Variants in OSBPL8 observed in about 807,000 individuals in gnomAD.
OSBPL8 encodes oxysterol-binding protein-related protein 8.
Under a neutral mutation model 125.5 loss-of-function variants are expected in OSBPL8, and 59 were observed. The observed-to-expected ratio is 0.47, with a 90% CI of 0.38 to 0.58. The LOEUF is 0.58. OSBPL8 is among the 20% of genes least tolerant of loss of function. OSBPL8 has a pLI of 0.00. For missense variants in OSBPL8, 758 were observed against 1,047.8 expected (o/e 0.72, Z 3.82); for synonymous variants, 330 against 338.9 (o/e 0.97, Z 0.29).
At chr12:76,477,447 A>G (rs1565929071) in intron 2 of OSBPL8, among the ~76,000 whole-genome samples, 1 of 152,188 alleles carries the variant, frequency 6.6e-6, no homozygotes, top group Non-Finnish European at 1.5e-5. Context: ...AAATCCATTA[A>G]ACTTAGTCTA....
At chr12:76,524,300 A>C (rs959514403) in intron 1 of OSBPL8, among the ~76,000 whole-genome samples, 4 of 152,232 alleles carry the variant, frequency 2.6e-5, no homozygotes, top group African/African-American at 9.6e-5. Context: ...GTACAAATTT[A>C]AATCTTAGAA....
intron 20 of OSBPL8, 128 bp from the exon 21 acceptor site, chr12:76,369,429 C>T (rs1952538606): frequency 5.0e-6 from 7 of 1,408,306 alleles, no homozygotes; most frequent in African/African-American, 2.9e-5. Flanking sequence ...TTTCCCCATA[C>T]CTAATCTTCA....
At chr12:76,417,998 G>A (rs1198171685) in intron 4 of OSBPL8, among the ~76,000 whole-genome samples, 1 of 139,214 alleles carries the variant, frequency 7.2e-6, no homozygotes, top group Non-Finnish European at 1.6e-5. Flanking sequence ...AAAATTATAT[G>A]ATTTTCACTA....
chr12:76,364,435 G>A (rs999950352), intron 21 of OSBPL8, among the ~76,000 whole-genome samples: 6 of 152,148 alleles, frequency 3.9e-5, no homozygotes, highest in African/African-American at 9.7e-5. Flanking sequence ...TTACTCATAA[G>A]TGGGAGCTGA....
At chr12:76,461,930 A>G (rs1432987655) in intron 2 of OSBPL8, among the ~76,000 whole-genome samples, 1 of 152,250 alleles carries the variant, frequency 6.6e-6, no homozygotes, top group African/African-American at 2.4e-5. Flanking sequence ...AATAAATAAC[A>G]TAACACTGGA....
intron 4 of OSBPL8, among the ~76,000 whole-genome samples, chr12:76,436,902 C>T (rs916036066): frequency 5.9e-5 from 9 of 152,136 alleles, no homozygotes; most frequent in Admixed American, 1.3e-4. Flanking sequence ...ATCCCTATTG[C>T]CTATAATGCA....
At chr12:76,480,071 G>GC (rs1877292231) in intron 2 of OSBPL8, among the ~76,000 whole-genome samples, 2 of 149,868 alleles carry the variant, frequency 1.3e-5, no homozygotes, top group Non-Finnish European at 2.9e-5. Flanking sequence ...GGAGGCTGAG[G>GC]CAGGAGAATC....
intron 4 of OSBPL8, among the ~76,000 whole-genome samples, chr12:76,431,620 GA>G (rs1414564848): frequency 1.4e-4 from 22 of 152,216 alleles, no homozygotes; most frequent in Non-Finnish European, 2.8e-4. Flanking sequence ...CATGTATCAG[GA>G]AAAATGGACT....
chr12:76,456,854 AT>A (rs1337150258), intron 3 of OSBPL8, among the ~76,000 whole-genome samples: 1 of 152,202 alleles, frequency 6.6e-6, no homozygotes, highest in Non-Finnish European at 1.5e-5. Flanking sequence ...AGTTTATGCC[AT>A]CTGTTTACAA....
At chr12:76,448,208 G>C (rs1483087904) in intron 4 of OSBPL8, among the ~76,000 whole-genome samples, 1 of 151,968 alleles carries the variant, frequency 6.6e-6, no homozygotes, top group Non-Finnish European at 1.5e-5. Flanking sequence ...CAAAACAAAA[G>C]GTTAATAACT....
At chr12:76,419,708 TC>T (rs1463004306) in intron 4 of OSBPL8, among the ~76,000 whole-genome samples, 1 of 152,194 alleles carries the variant, frequency 6.6e-6, no homozygotes, top group Non-Finnish European at 1.5e-5. Flanking sequence ...AAAAAGAATT[TC>T]CTAAAGCTCA....
At chr12:76,397,495 A>G (rs1953861880) in intron 8 of OSBPL8, among the ~76,000 whole-genome samples, 199 bp downstream of exon 8, 1 of 152,214 alleles carries the variant, frequency 6.6e-6, no homozygotes, top group Admixed American at 6.5e-5. Flanking sequence ...GATGCAATAT[A>G]AAAAGTTAGA....
chr12:76,513,192 G>A (rs1881179902), intron 1 of OSBPL8, among the ~76,000 whole-genome samples: 1 of 152,178 alleles, frequency 6.6e-6, no homozygotes, highest in Non-Finnish European at 1.5e-5. Context: ...GTTTGCATTT[G>A]CTGAGGATTG....
At chr12:76,519,621 G>C (rs915955939) in intron 1 of OSBPL8, among the ~76,000 whole-genome samples, 1 of 152,082 alleles carries the variant, frequency 6.6e-6, no homozygotes, top group African/African-American at 2.4e-5. Context: ...AATTTATAAA[G>C]AAAATATGTT....
intron 1 of OSBPL8, among the ~76,000 whole-genome samples, chr12:76,550,293 A>G (rs1950899500): frequency 2.0e-5 from 3 of 152,060 alleles, no homozygotes; most frequent in African/African-American, 4.8e-5. Context: ...CTAATTCTCT[A>G]TATTATCAAC....
intron 2 of OSBPL8, among the ~76,000 whole-genome samples, 162 bp downstream of exon 2, chr12:76,487,348 A>G (rs1434960258): frequency 6.6e-6 from 1 of 152,072 alleles, no homozygotes; most frequent in African/African-American, 2.4e-5. Context: ...TGTAATTTTC[A>G]TATCATTTAA....
In OSBPL8 at chr12:76,527,754, G is replaced by A. The variant is rs74105503; in HGVS notation, c.-68+31643C>T. ...GAGTTGCAATACAGAAGAGTCCTGA[G>A]CTTAGGGAACCCAAATATTTTATAA... is the stretch of plus-strand genomic sequence containing the variant. On this transcript the variant is annotated intron_variant, in intron 1 of 23. Coordinates refer to ENST00000261183, the MANE Select transcript of OSBPL8 (RefSeq NM_020841.5). Among the ~76,000 whole-genome samples, 361 of 152,254 alleles carry A rather than the reference G, an allele frequency of 2.4e-3. 4 individuals carry two copies. The highest frequency in any genetic ancestry group is 8.4e-3 in the African/African-American group (349 of 41,544).
At chr12:76,517,988 T>C (rs1447897538) in intron 1 of OSBPL8, among the ~76,000 whole-genome samples, 1 of 152,118 alleles carries the variant, frequency 6.6e-6, no homozygotes, top group African/African-American at 2.4e-5. Context: ...ATCTAAACCA[T>C]ATCATTCTGC....
chr12:76,456,600 T>G (rs1874080605), intron 3 of OSBPL8, among the ~76,000 whole-genome samples: 1 of 151,678 alleles, frequency 6.6e-6, no homozygotes, highest in Non-Finnish European at 1.5e-5. Context: ...CAAGACTCCG[T>G]GTCAAAAAAA....
Sources: allele counts gnomAD v4.1 joint callset (sites outside exome capture counted in the v4.1 genomes callset), GRCh38; gene constraint gnomAD v4.1.1; transcripts MANE v1.5; gene names NCBI Gene and HGNC (gene_info 2026-07-23, HGNC 2026-07-21).